Variants in AGBL4 observed in about 807,000 individuals in gnomAD.
AGBL4 encodes the protein AGBL carboxypeptidase 4.
Under a neutral mutation model 66.4 loss-of-function variants are expected in AGBL4, and 58 were observed. The ratio of observed to expected loss-of-function variants is 0.87; its 90% CI spans 0.71 to 1.09. The LOEUF is 1.09. AGBL4 is among the 50% of genes least tolerant of loss of function. AGBL4 has a pLI of 0.00. For synonymous variants in AGBL4, 234 were observed against 222.9 expected (o/e 1.05, Z -0.44); for missense variants, 579 against 631.0 (o/e 0.92, Z 0.88).
chr1:48,879,885 A>C (rs1649604919), intron 5 of AGBL4, among the ~76,000 whole-genome samples: 1 of 152,198 alleles, frequency 6.6e-6, no homozygotes. Context: ...AGTATTACTA[A>C]ATAATTCTAC....
intron 2 of AGBL4, among the ~76,000 whole-genome samples, chr1:49,713,485 T>C (rs1411021405): frequency 6.6e-6 from 1 of 152,082 alleles, no homozygotes; most frequent in African/African-American, 2.4e-5. Context: ...AATAGTAATA[T>C]ATCCACATTA....
chr1:48,782,300 T>A (rs1645314588), intron 6 of AGBL4, among the ~76,000 whole-genome samples: 1 of 152,204 alleles, frequency 6.6e-6, no homozygotes, highest in Non-Finnish European at 1.5e-5. Flanking sequence ...TGCAACTGCA[T>A]CTCCACTCCA....
At position 49,938,055 on chromosome 1, in the gene AGBL4, G is replaced by A. The variant is rs147401426; in HGVS notation, c.34+85708C>T. Reference sequence around the variant, plus strand: ...CCCTTGAAAAAATTAATGAATCCAGGAGCTGGTTTTTTGAAAGGATCAACA... The same window carrying A: ...CCCTTGAAAAAATTAATGAATCCAGAAGCTGGTTTTTTGAAAGGATCAACA... On this transcript the variant is annotated intron_variant, in intron 1 of 13. Coordinates refer to ENST00000371839, the MANE Select transcript of AGBL4 (RefSeq NM_032785.4). Among the ~76,000 whole-genome samples the A allele has an allele frequency of 5.2e-3, 786 of 149,882 alleles. 12 individuals are homozygous for A. The highest frequency in any genetic ancestry group is 0.021 in the South Asian group (98 of 4,742).
intron 2 of AGBL4, among the ~76,000 whole-genome samples, chr1:49,837,004 G>C (rs1645867775): frequency 6.6e-6 from 1 of 152,202 alleles, no homozygotes; most frequent in Non-Finnish European, 1.5e-5. Flanking sequence ...TCCTGTATGA[G>C]GTGTCTCCCC....
intron 1 of AGBL4, among the ~76,000 whole-genome samples, chr1:49,893,019 C>G (rs1411944322): frequency 2.6e-5 from 4 of 152,056 alleles, no homozygotes; most frequent in Admixed American, 2.6e-4. Context: ...CCAGGAGACA[C>G]TAAATAAAAT....
chr1:49,594,646 T>C (rs879740471), intron 3 of AGBL4, among the ~76,000 whole-genome samples: 3 of 152,198 alleles, frequency 2.0e-5, no homozygotes, highest in Non-Finnish European at 4.4e-5. Context: ...GTTAGTTTGC[T>C]GAGAATGATG....
At chr1:49,284,146 G>T (rs1644348766) in intron 3 of AGBL4, among the ~76,000 whole-genome samples, 1 of 152,136 alleles carries the variant, frequency 6.6e-6, no homozygotes, top group Admixed American at 6.5e-5. Flanking sequence ...TCAAAGGGAA[G>T]CCCATCAGAC....
chr1:48,859,131 T>G (rs1038139651), intron 6 of AGBL4, among the ~76,000 whole-genome samples: 4 of 152,098 alleles, frequency 2.6e-5, no homozygotes, highest in Non-Finnish European at 5.9e-5. Context: ...CTTTTCCCTC[T>G]GTCACAATGA....
At chr1:48,532,135 T>A (rs1175848037), downstream of AGBL4, among the ~76,000 whole-genome samples, 6 of 152,170 alleles carry the variant, frequency 3.9e-5, no homozygotes, top group African/African-American at 1.4e-4. Context: ...TCCTTTCTAA[T>A]GGGGAAGGAT....
At chr1:49,887,024 C>T (rs1236914499) in intron 1 of AGBL4, among the ~76,000 whole-genome samples, 5 of 151,762 alleles carry the variant, frequency 3.3e-5, no homozygotes, top group East Asian at 1.9e-4. Context: ...CTGTGCTAGG[C>T]GTTGTGATAA....
chr1:48,653,521 T>C, intron 7 of AGBL4, 70 bp from the exon 8 acceptor site: 2 of 1,254,154 alleles, frequency 1.6e-6, no homozygotes, highest in Non-Finnish European at 2.3e-6. Flanking sequence ...TTTTCTCAGC[T>C]TGGAAAACAA....
intron 6 of AGBL4, among the ~76,000 whole-genome samples, chr1:48,842,265 C>CT (rs914120667): frequency 1.2e-4 from 18 of 151,630 alleles, no homozygotes; most frequent in Middle Eastern, 3.4e-3. Flanking sequence ...TTTCCTTTTT[C>CT]TTTTTTTTTC....
intron 8 of AGBL4, among the ~76,000 whole-genome samples, chr1:48,637,168 A>G (rs767440585): frequency 1.6e-4 from 25 of 152,192 alleles, no homozygotes; most frequent in Non-Finnish European, 3.4e-4. Context: ...AAAATGCTAT[A>G]TTGTTGTTTT....
chr1:49,182,659 CT>C (rs1217340542), intron 4 of AGBL4, among the ~76,000 whole-genome samples: 1 of 151,646 alleles, frequency 6.6e-6, no homozygotes, highest in Non-Finnish European at 1.5e-5. Flanking sequence ...TCTAATGAGG[CT>C]ATAAATCCCA....
chr1:49,689,028 T>C (rs1646837401), intron 3 of AGBL4, among the ~76,000 whole-genome samples: 1 of 152,188 alleles, frequency 6.6e-6, no homozygotes, highest in South Asian at 2.1e-4. Context: ...TGAGTCATCT[T>C]TCACTTTGTT....
At chr1:49,637,651 A>G (rs1168469343) in intron 3 of AGBL4, among the ~76,000 whole-genome samples, 1 of 152,164 alleles carries the variant, frequency 6.6e-6, no homozygotes, top group South Asian at 2.1e-4. Flanking sequence ...GAAGTATGTT[A>G]TATTTAAATT....
At chr1:49,742,521 T>A (rs1650597296) in intron 2 of AGBL4, among the ~76,000 whole-genome samples, 1 of 151,578 alleles carries the variant, frequency 6.6e-6, no homozygotes, top group African/African-American at 2.4e-5. Context: ...AAGCTACCAA[T>A]GACTTTCTTC....
intron 3 of AGBL4, among the ~76,000 whole-genome samples, chr1:49,647,303 C>G (rs1404749715): frequency 3.3e-5 from 5 of 151,998 alleles, no homozygotes; most frequent in African/African-American, 1.2e-4. Flanking sequence ...AAAAAAACTA[C>G]AACTTTTAGA....
intron 1 of AGBL4, among the ~76,000 whole-genome samples, chr1:49,868,271 A>C (rs1181446944): frequency 6.6e-6 from 1 of 152,192 alleles, no homozygotes; most frequent in Non-Finnish European, 1.5e-5. Flanking sequence ...ATTAGAAAAA[A>C]ACTACTTTAA....
Sources: allele counts gnomAD v4.1 joint callset (sites outside exome capture counted in the v4.1 genomes callset), GRCh38; gene constraint gnomAD v4.1.1; transcripts MANE v1.5; gene names NCBI Gene and HGNC (gene_info 2026-07-23, HGNC 2026-07-21).